Variants in MLLT10 observed in about 807,000 individuals in gnomAD.
MLLT10 encodes the protein protein AF-10.
In MLLT10, 30 loss-of-function variants were observed where a neutral mutation model predicts 129.1. The observed-to-expected ratio is 0.23, with a 90% CI of 0.17 to 0.32. The LOEUF is 0.32. MLLT10 is among the 10% of genes least tolerant of loss of function. The pLI is 1.00. For synonymous variants in MLLT10, 490 were observed against 446.4 expected, an observed-to-expected ratio of 1.10 and a Z score of -1.23; for missense variants, 1,119 against 1,268.3, an observed-to-expected ratio of 0.88 and a Z score of 1.79.
At chr10:21,534,930 C>G (rs908834376) in intron 2 of MLLT10, 126 bp downstream of exon 2, 6 of 512,236 alleles carry the variant, frequency 1.2e-5, no homozygotes, top group Admixed American at 6.4e-5. Context: ...GCGGAGGGTC[C>G]GCGGCGGGGC....
intron 3 of MLLT10, among the ~76,000 whole-genome samples, chr10:21,571,799 TA>T: frequency 6.6e-6 from 1 of 152,242 alleles, no homozygotes; most frequent in Non-Finnish European, 1.5e-5. Flanking sequence ...TTTTTTCATC[TA>T]TTTGAGTTGC....
At chr10:21,556,407 G>T (rs1015243545) in intron 3 of MLLT10, among the ~76,000 whole-genome samples, 2 of 151,990 alleles carry the variant, frequency 1.3e-5, no homozygotes, top group African/African-American at 4.8e-5. Context: ...CACCTGTTTG[G>T]GGTTGACAAA....
At chr10:21,666,662 A>C (rs1371940989) in intron 9 of MLLT10, among the ~76,000 whole-genome samples, 1 of 142,916 alleles carries the variant, frequency 7.0e-6, no homozygotes, top group African/African-American at 2.5e-5. Context: ...ACTCTGTCTC[A>C]AAAAAAAAAA....
chr10:21,652,814 C>G (rs893431038), intron 9 of MLLT10, among the ~76,000 whole-genome samples: 5 of 152,104 alleles, frequency 3.3e-5, no homozygotes, highest in African/African-American at 1.2e-4. Context: ...AGGCCATTAG[C>G]AAGGTATGCA....
At chr10:21,552,045 A>G (rs575078811) in intron 3 of MLLT10, 4 of 226,590 alleles carry the variant, frequency 1.8e-5, no homozygotes, top group Admixed American at 5.5e-5. Context: ...TCCCACCTCA[A>G]CCTCTCAGGT....
At chr10:21,621,063 C>T (rs2045773688) in intron 8 of MLLT10, among the ~76,000 whole-genome samples, 1 of 151,454 alleles carries the variant, frequency 6.6e-6, no homozygotes. Context: ...CGGTTTACTG[C>T]AAGCTCCGCC....
At chr10:21,665,193 G>C (rs1255384185) in intron 9 of MLLT10, among the ~76,000 whole-genome samples, 1 of 151,454 alleles carries the variant, frequency 6.6e-6, no homozygotes, top group Non-Finnish European at 1.5e-5. Context: ...TGATCCACCT[G>C]TGTCGGCCTC....
intron 21 of MLLT10, among the ~76,000 whole-genome samples, chr10:21,737,838 G>A (rs940537542): frequency 2.0e-5 from 3 of 152,078 alleles, no homozygotes; most frequent in African/African-American, 7.2e-5. Flanking sequence ...AATTACAAAG[G>A]CTGACATCCT....
At chr10:21,640,410 A>C (rs926323073) in intron 8 of MLLT10, among the ~76,000 whole-genome samples, 2 of 150,820 alleles carry the variant, frequency 1.3e-5, no homozygotes, top group African/African-American at 4.9e-5. Context: ...GAAGTCTATC[A>C]TTTGATCTTA....
intron 5 of MLLT10, among the ~76,000 whole-genome samples, chr10:21,603,133 A>G (rs1421481541): frequency 1.4e-5 from 2 of 143,158 alleles, no homozygotes; most frequent in East Asian, 2.1e-4. Flanking sequence ...GCTCACTGCA[A>G]CCTCCTCCTC....
chr10:21,625,970 C>G, intron 8 of MLLT10: 1 of 851,632 alleles, frequency 1.2e-6, no homozygotes, highest in Non-Finnish European at 2.1e-6. Context: ...AGGTTGCACA[C>G]CAGAGTACAC....
At chr10:21,587,539 A>C (rs1230728495) in intron 4 of MLLT10, among the ~76,000 whole-genome samples, 1 of 151,884 alleles carries the variant, frequency 6.6e-6, no homozygotes, top group Non-Finnish European at 1.5e-5. Flanking sequence ...TTTGTCAGAG[A>C]AATCATATTT....
At chr10:21,726,767 C>T (rs1331957005) in intron 15 of MLLT10, among the ~76,000 whole-genome samples, 1 of 146,490 alleles carries the variant, frequency 6.8e-6, no homozygotes, top group East Asian at 2.0e-4. Flanking sequence ...AGCAGTGTCT[C>T]CTGTGACTTT....
chr10:21,614,720 G>A, intron 6 of MLLT10, 111 bp from the exon 7 acceptor site: 1 of 736,988 alleles, frequency 1.4e-6, no homozygotes, highest in Non-Finnish European at 2.1e-6. Flanking sequence ...TTTTTCTTAG[G>A]AGATGTTATT....
chr10:21,689,589 AGCGTG>A, intron 13 of MLLT10, among the ~76,000 whole-genome samples: 1 of 129,238 alleles, frequency 7.7e-6, no homozygotes, highest in South Asian at 2.4e-4. Flanking sequence ...ATATATATAT[AGCGTG>A]TGTGTTTTAT....
chr10:21,612,088 T>C (rs1445286622), intron 5 of MLLT10, among the ~76,000 whole-genome samples: 1 of 152,204 alleles, frequency 6.6e-6, no homozygotes. Flanking sequence ...GGGAAGAGTC[T>C]TCCTGTCTTG....
chr10:21,534,920 G>A, intron 2 of MLLT10, 116 bp downstream of exon 2: 4 of 695,266 alleles, frequency 5.8e-6, no homozygotes, highest in African/African-American at 1.9e-5. Context: ...CGGGAGGGAC[G>A]CGGAGGGTCC....
intron 13 of MLLT10, among the ~76,000 whole-genome samples, chr10:21,698,791 T>C (rs1452060854): frequency 6.6e-6 from 1 of 152,226 alleles, no homozygotes; most frequent in Non-Finnish European, 1.5e-5. Flanking sequence ...GGATATCTCA[T>C]TGTGGTTTCG....
At chr10:21,566,688 G>A (rs953170391) in intron 3 of MLLT10, among the ~76,000 whole-genome samples, 4 of 151,240 alleles carry the variant, frequency 2.6e-5, no homozygotes, top group African/African-American at 7.3e-5. Flanking sequence ...AACATTTTTG[G>A]AATTCCATTT....
Sources: gnomAD v4.1 joint callset for allele counts (sites outside exome capture counted in the v4.1 genomes callset) on GRCh38, gnomAD v4.1.1 for gene constraint, MANE v1.5 for transcripts, NCBI Gene and HGNC (gene_info 2026-07-23, HGNC 2026-07-21) for gene names.